WDR20: variants seen among roughly 807,000 people sequenced by gnomAD.
WDR20 encodes WD repeat-containing protein 20.
A neutral mutation model predicts 38.7 loss-of-function variants in WDR20; 3 were observed. That is an observed-to-expected ratio of 0.08 (90% CI 0.04 to 0.20). The LOEUF is 0.20. WDR20 is among the 10% of genes least tolerant of loss of function. The pLI, the probability that WDR20 is intolerant of heterozygous loss-of-function variation, is 1.00. For synonymous variants in WDR20, 298 were observed against 285.6 expected (o/e 1.04, Z -0.44); for missense variants, 559 against 727.7 (o/e 0.77, Z 2.67).
chr14:102,145,874 A>G (rs1450112836), intron 1 of WDR20, among the ~76,000 whole-genome samples: 1 of 152,208 alleles, frequency 6.6e-6, no homozygotes, highest in Non-Finnish European at 1.5e-5. Context: ...ATTCCAGGTC[A>G]CAAATGTACT....
chr14:102,165,908 G>A (rs2059681156), intron 1 of WDR20, among the ~76,000 whole-genome samples: 1 of 151,992 alleles, frequency 6.6e-6, no homozygotes, highest in South Asian at 2.1e-4. Context: ...CTGAAGTGCT[G>A]GGATTACCGG....
At chr14:102,183,381 A>C (rs2063826379) in intron 1 of WDR20, among the ~76,000 whole-genome samples, 1 of 152,214 alleles carries the variant, frequency 6.6e-6, no homozygotes, top group East Asian at 1.9e-4. Context: ...ATCTCCATTA[A>C]TGTTTAAGAT....
upstream of WDR20, chr14:102,139,735 C>G (rs574183547): frequency 8.1e-6 from 7 of 860,788 alleles, no homozygotes; most frequent in African/African-American, 1.0e-4. Flanking sequence ...GCCAGGTGAG[C>G]ACGCCTGCGC....
In WDR20 at chr14:102,200,467, T is replaced by TTTG. The variant is rs748066838; in HGVS notation, c.432+5348_432+5349insTGT. 3.7e-4 allele frequency among the ~76,000 whole-genome samples: 44 copies of TTTG among 117,774 alleles called. No homozygotes were observed. The South Asian group carries it at 4.4e-3, about 12-fold the overall frequency. The allele number at this position is 117,774 out of a possible 152,430, so 77.3% of individuals were successfully genotyped here. On this transcript the variant is annotated intron_variant, in intron 2 of 2. Coordinates refer to ENST00000342702, the MANE Select transcript of WDR20 (RefSeq NM_144574.4). ...GAGTTTACTTTTTAAATTTTTTTTT[T>TTTG]TGTGTGTGTGTGTGTGTGTGTGTGT...
Position 102,222,679 on chromosome 14 carries a change from T to C in WDR20, c.1693-151T>C. On this transcript the variant is annotated intron_variant, in intron 3 of 3. Coordinates refer to the WDR20 transcript ENST00000335263. The surrounding 1 kb of genome is among the most constrained non-coding windows in gnomAD (Gnocchi z 4.4). ...GGAACGCAGTGATCTGGATAGGAAT[T>C]AAATAGATGAAGTGGAGGGTTTGCT... 1.3e-6 allele frequency: 1 copy of C among 763,488 alleles called. No homozygotes were observed. Among genetic ancestry groups the C allele is most frequent in the Non-Finnish European group, 2.3e-6 (1 of 437,624 alleles). The allele number at this position is 763,488 out of a possible 1,614,324, so 47.3% of individuals were successfully genotyped here. A position where few individuals can be genotyped will look rare whatever the true frequency, so the allele number is the denominator to read the frequency against.
intron 1 of WDR20, among the ~76,000 whole-genome samples, chr14:102,181,885 C>T (rs2063464368): frequency 6.6e-6 from 1 of 152,132 alleles, no homozygotes; most frequent in Admixed American, 6.6e-5. Flanking sequence ...GGTTGGCCTG[C>T]TAACCTACAT....
chr14:102,197,711 G>T (rs952402381), intron 2 of WDR20: 38 of 687,258 alleles, frequency 5.5e-5, no homozygotes, highest in Non-Finnish European at 8.2e-5. Context: ...GGAACCTTTG[G>T]CCTTTTAATG....
chr14:102,169,149 T>C (rs1399103242), intron 1 of WDR20, among the ~76,000 whole-genome samples: 1 of 152,116 alleles, frequency 6.6e-6, no homozygotes, highest in Non-Finnish European at 1.5e-5. Context: ...GTCCCACCCG[T>C]GGAGCCAATG....
chr14:102,203,864 T>G (rs993939295), intron 2 of WDR20, among the ~76,000 whole-genome samples: 1 of 152,202 alleles, frequency 6.6e-6, no homozygotes, highest in Admixed American at 6.5e-5. Flanking sequence ...AAATATACCT[T>G]ATAGTGCAGA....
intron 1 of WDR20, among the ~76,000 whole-genome samples, chr14:102,148,778 A>C (rs1238579739): frequency 6.6e-6 from 1 of 151,434 alleles, no homozygotes; most frequent in African/African-American, 2.4e-5. Context: ...CTGCAGCTTC[A>C]ACCTCCTGGG....
At chr14:102,191,645 A>G (rs2066470175) in intron 1 of WDR20, among the ~76,000 whole-genome samples, 1 of 152,138 alleles carries the variant, frequency 6.6e-6, no homozygotes, top group African/African-American at 2.4e-5. Flanking sequence ...TGGGCACATA[A>G]CCTAGCAGTC....
intron 1 of WDR20, among the ~76,000 whole-genome samples, chr14:102,180,784 T>G (rs1372519863): frequency 6.6e-6 from 1 of 152,226 alleles, no homozygotes; most frequent in Non-Finnish European, 1.5e-5. Flanking sequence ...CTTTACCCTT[T>G]GTCGTAACCA....
At chr14:102,153,022 G>A (rs1004496978) in intron 1 of WDR20, among the ~76,000 whole-genome samples, 1 of 152,124 alleles carries the variant, frequency 6.6e-6, no homozygotes, top group Non-Finnish European at 1.5e-5. Context: ...CTGGTGGGAG[G>A]TGATTAGATC....
At chr14:102,165,799 G>A (rs1270543758) in intron 1 of WDR20, among the ~76,000 whole-genome samples, 1 of 151,536 alleles carries the variant, frequency 6.6e-6, no homozygotes, top group East Asian at 1.9e-4. Flanking sequence ...ACCATGCCTA[G>A]CTAATTTTTT....
In WDR20 at chr14:102,141,910, A is replaced by T. The variant is rs1272458997; in HGVS notation, c.249+1738A>T. Reference sequence around the variant, plus strand: ...GCAATTATTAATGTAGGAATTACTTAAAAATTTTTTTTTCTTTGAAATGTT... The same window carrying T: ...GCAATTATTAATGTAGGAATTACTTTAAAATTTTTTTTTCTTTGAAATGTT... On this transcript the variant is annotated intron_variant, in intron 1 of 2. Transcript: ENST00000342702. 3.9e-5 allele frequency among the ~76,000 whole-genome samples: 6 copies of T among 152,166 alleles called. No homozygotes were observed. The East Asian group carries it at 9.6e-4, about 24-fold the overall frequency.
At chr14:102,160,619 A>C (rs2058413952) in intron 1 of WDR20, among the ~76,000 whole-genome samples, 1 of 151,894 alleles carries the variant, frequency 6.6e-6, no homozygotes, top group South Asian at 2.1e-4. Context: ...TGACGACATC[A>C]CTCTTGATTG....
downstream of WDR20, among the ~76,000 whole-genome samples, chr14:102,216,724 G>A (rs1462268994): frequency 6.6e-6 from 1 of 152,170 alleles, no homozygotes; most frequent in Non-Finnish European, 1.5e-5. Context: ...GAGCCCAGGA[G>A]TTTGAGACCA....
At chr14:102,203,179 C>G (rs2060827541) in intron 2 of WDR20, among the ~76,000 whole-genome samples, 1 of 152,222 alleles carries the variant, frequency 6.6e-6, no homozygotes. Context: ...TGTGCCTCCA[C>G]TGTCTGCAGC....
At chr14:102,140,713 T>G (rs930119763) in intron 1 of WDR20, among the ~76,000 whole-genome samples, 2 of 152,142 alleles carry the variant, frequency 1.3e-5, no homozygotes, top group Non-Finnish European at 2.9e-5. Flanking sequence ...CACTGACACT[T>G]CCTAGGAGCC....
Sources: allele counts gnomAD v4.1 joint callset (sites outside exome capture counted in the v4.1 genomes callset), GRCh38; gene constraint gnomAD v4.1.1; non-coding constraint Gnocchi (gnomAD v3.1); transcripts MANE v1.5; gene names NCBI Gene and HGNC (gene_info 2026-07-23, HGNC 2026-07-21).